Variants in HORMAD1 observed in about 807,000 individuals in gnomAD.
The protein encoded by HORMAD1 is HORMA domain containing 1, also known as HORMA domain-containing protein 1.
A neutral mutation model predicts 58.2 loss-of-function variants in HORMAD1; 33 were observed. The observed-to-expected ratio is 0.57, with a 90% CI of 0.43 to 0.76. The LOEUF is 0.76. Among genes scored for constraint, HORMAD1 ranks in the 30% least tolerant of loss-of-function variants. HORMAD1 has a pLI of 0.00. For synonymous variants in HORMAD1, 137 were observed against 144.6 expected (o/e 0.95, Z 0.38); for missense variants, 363 against 462.0 (o/e 0.79, Z 1.96).
At chr1:150,702,239 G>A (rs1306007545) in intron 13 of HORMAD1, among the ~76,000 whole-genome samples, 1 of 152,152 alleles carries the variant, frequency 6.6e-6, no homozygotes, top group Non-Finnish European at 1.5e-5. Flanking sequence ...TCTCATGCCA[G>A]TCAGAATGGT....
intron 3 of HORMAD1, 138 bp downstream of exon 3, chr1:150,717,000 G>C (rs1461367886): frequency 2.4e-6 from 1 of 424,830 alleles, no homozygotes; most frequent in Non-Finnish European, 4.1e-6. Flanking sequence ...CTTTAAACAA[G>C]TGAACTGTCA....
chr1:150,703,465 T>C (rs1268595917), intron 12 of HORMAD1, 72 bp from the exon 13 acceptor site: 3 of 806,864 alleles, frequency 3.7e-6, no homozygotes, highest in Non-Finnish European at 5.8e-6. Context: ...ATAAATGGGG[T>C]CCAAAAATTT....
In HORMAD1 at chr1:150,704,100, A is replaced by C; in HGVS notation, c.948+18T>G. ...CTGTGAACAAAACAAAAGTGAGATG[A>C]AACTATCAAGTTTATACCTGAGAAT... On this transcript the variant is annotated intron_variant, in intron 12 of 14. Coordinates refer to ENST00000361824, the MANE Select transcript of HORMAD1 (RefSeq NM_032132.5). The C allele has an allele frequency of 6.5e-7, 1 of 1,526,812 alleles. No individual in the cohort carries two copies. The highest frequency in any genetic ancestry group is 2.3e-5 in the East Asian group (1 of 44,134). 94.6% of individuals were successfully genotyped at this position (1,526,812 alleles called of 1,614,324 possible).
rs770896664 is a variant in HORMAD1, at chr1:150,704,316, C to T, written c.832G>A (p.Glu278Lys). The change falls in exon 11 of 15, where the codon GAA becomes AAA. Residue 278 changes from glutamate to lysine, a missense_variant. Glu to Lys is a moderately conservative substitution (Grantham distance 56). Around this residue, in one of 3 missense-constraint regions of HORMAD1, gnomAD observed 226 missense variants for 257.8 expected, o/e 0.88. Transcript: ENST00000361824. The stretch of plus-strand genomic sequence containing the variant: ...GATGCAGGGTTTTTTTCCTGTTCTT[C>T]CATTTTAGTTTCAATGTCCAAATCA... Reference protein sequence around the residue: ...SDDLDIETKMEEQEKNPASSE... With the variant: ...SDDLDIETKMKEQEKNPASSE... The T allele has an allele frequency of 2.5e-6, 4 of 1,585,700 alleles. No individual in the cohort carries two copies. Among genetic ancestry groups the T allele is most frequent in the Admixed American group, 1.9e-5 (1 of 53,506 alleles).
At chr1:150,708,766 T>C (rs1651773012) in intron 8 of HORMAD1, 128 bp downstream of exon 8, 1 of 579,590 alleles carries the variant, frequency 1.7e-6, no homozygotes, top group African/African-American at 1.9e-5. Context: ...CCATTTTGCA[T>C]AGCCACATCT....
Position 150,698,660 on chromosome 1 carries a change from A to C in HORMAD1, c.1179T>G (p.His393Gln), listed in dbSNP as rs374185460. The C allele has an allele frequency of 1.3e-6, 2 of 1,548,796 alleles. No homozygotes were observed. The highest frequency in any genetic ancestry group is 1.8e-6 in the Non-Finnish European group (2 of 1,122,800). ...KRRKFSEPKE[H>Q]I ...TGCAGAACAAAAATAATTTTTATAT[A>C]TGTTCCTTTGGTTCACTAAACTTTC... is the stretch of plus-strand genomic sequence containing the variant. Residue 393 changes from histidine (H) to glutamine (Q), a missense_variant, in exon 15 of 15, where the codon CAT (histidine) becomes CAG (glutamine). Around this residue, in one of 3 missense-constraint regions of HORMAD1, gnomAD observed 226 missense variants for 257.8 expected, o/e 0.88. Transcript: ENST00000361824.
chr1:150,714,128 A>C lies in HORMAD1; in HGVS notation c.243-7T>G. 6.6e-7 allele frequency: 1 copy of C among 1,505,598 alleles called. No individual in the cohort carries two copies. Among genetic ancestry groups the C allele is most frequent in the Non-Finnish European group, 9.1e-7 (1 of 1,099,192 alleles). 93.3% of individuals were successfully genotyped at this position (1,505,598 alleles called of 1,614,324 possible). The stretch of plus-strand genomic sequence containing the variant: ...ATCATAACATCCTAGCATCCTAAAA[A>C]AAAAATCAAGGATTCATTTTTAGAC... On this transcript the variant is annotated splice_region_variant and splice_polypyrimidine_tract_variant and intron_variant, in intron 4 of 14. Transcript: ENST00000361824.
At chr1:150,708,867 T>C (rs757339495) in intron 8 of HORMAD1, 27 bp downstream of exon 8, 3 of 1,197,072 alleles carry the variant, frequency 2.5e-6, no homozygotes, top group African/African-American at 3.0e-5. Context: ...TAATCTGTAA[T>C]ACAAACAGAA....
Position 150,720,647 on chromosome 1 carries a change from C to T in HORMAD1, c.-34+157G>A, listed in dbSNP as rs188899689. Among the ~76,000 whole-genome samples the T allele has an allele frequency of 1.1e-3, 163 of 152,340 alleles. 2 individuals are homozygous for T. In the South Asian group the frequency reaches 0.023, roughly 22 times the overall value. On this transcript the variant is annotated intron_variant, in intron 1 of 14. Coordinates refer to ENST00000361824, the MANE Select transcript of HORMAD1 (RefSeq NM_032132.5). Reference sequence around the variant, plus strand: ...TCCGTACTCACCCCATCTCAAGAACCTCTGTTGACAAGTAAGTGGGTATAC... The same window carrying T: ...TCCGTACTCACCCCATCTCAAGAACTTCTGTTGACAAGTAAGTGGGTATAC...
At chr1:150,707,939 CAAAA>C (rs1294812916) in intron 9 of HORMAD1, among the ~76,000 whole-genome samples, 1 of 151,418 alleles carries the variant, frequency 6.6e-6, no homozygotes, top group Non-Finnish European at 1.5e-5. Flanking sequence ...CTGTCTCAAA[CAAAA>C]AAAAGTTCCT....
At position 150,698,917 on chromosome 1, in the gene HORMAD1, G is replaced by A. The variant is rs190308214; in HGVS notation, c.1105-183C>T. On this transcript the variant is annotated intron_variant, in intron 14 of 14. Coordinates refer to ENST00000361824, the MANE Select transcript of HORMAD1 (RefSeq NM_032132.5). ...AAATTTATTATTAACATCTTCCAAT[G>A]GCTGCTGAAAGTATGTACTTGCAAA... 665 of 451,652 alleles carry A rather than the reference G, an allele frequency of 1.5e-3. 15 individuals carry two copies. In the South Asian group the frequency reaches 0.023, roughly 16 times the overall value. 28.0% of individuals were successfully genotyped at this position (451,652 alleles called of 1,614,324 possible). A position where few individuals can be genotyped will look rare whatever the true frequency, so the allele number is the denominator to read the frequency against.
At position 150,719,490 on chromosome 1, in the gene HORMAD1, A is replaced by C. The variant is rs1339590264; in HGVS notation, c.16T>G (p.Leu6Val). 1 of 1,586,966 alleles carries C rather than the reference A, an allele frequency of 6.3e-7. No homozygotes were observed. Among genetic ancestry groups the C allele is most frequent in the South Asian group, 1.1e-5 (1 of 87,068 alleles). The change falls in exon 2 of 15, where the codon TTG becomes GTG. Residue 6 changes from leucine to valine, a missense_variant. By Grantham distance (32) the Leu-to-Val change is conservative. Coordinates refer to ENST00000361824, the MANE Select transcript of HORMAD1 (RefSeq NM_032132.5). The stretch of plus-strand genomic sequence containing the variant: ...AATCATACCATGGGAGTCCTCTGCA[A>C]CTGGGCAGTGGCCATCTTCTTCTGA... Reference protein sequence around the residue: MATAQLQRTPMSALVF... With the variant: MATAQVQRTPMSALVF...
chr1:150,703,366 C>T lies in HORMAD1; in HGVS notation c.976G>A (p.Glu326Lys), dbSNP rs760191981. The T allele has an allele frequency of 1.3e-6, 2 of 1,578,140 alleles. No individual in the cohort carries two copies. Among genetic ancestry groups the T allele is most frequent in the South Asian group, 2.3e-5 (2 of 86,994 alleles). ...GTTTTGCTTTCAGACATATCAAGTT[C>T]AGATGTTTTATTGACTAACTGCTCA... is the stretch of plus-strand genomic sequence containing the variant. ...QVEQLVNKTSELDMSESKTRS... is the reference protein window; with the variant it reads ...QVEQLVNKTSKLDMSESKTRS... Residue 326 changes from glutamate to lysine, a missense_variant, in exon 13 of 15, where the codon GAA becomes AAA. Physicochemically the swap from Glu to Lys is moderately conservative, Grantham distance 56 (BLOSUM62 1). Transcript: ENST00000361824.
At chr1:150,699,384 T>C (rs1192974464) in intron 14 of HORMAD1, among the ~76,000 whole-genome samples, 1 of 152,088 alleles carries the variant, frequency 6.6e-6, no homozygotes, top group Non-Finnish European at 1.5e-5. Flanking sequence ...TAGTAAATTA[T>C]CCTCCTTCTA....
At chr1:150,714,035 G>T in intron 5 of HORMAD1, 50 bp downstream of exon 5, 1 of 1,132,784 alleles carries the variant, frequency 8.8e-7, no homozygotes, top group Non-Finnish European at 1.3e-6. Context: ...AGTTATATTT[G>T]TAGATCATAA....
intron 13 of HORMAD1, among the ~76,000 whole-genome samples, chr1:150,703,109 T>C (rs1651584485): frequency 6.6e-6 from 1 of 152,202 alleles, no homozygotes; most frequent in African/African-American, 2.4e-5. Context: ...TATCATTGCT[T>C]GTTTATTTCC....
At chr1:150,713,127 C>A (rs1022513911) in intron 5 of HORMAD1, among the ~76,000 whole-genome samples, 1 of 152,188 alleles carries the variant, frequency 6.6e-6, no homozygotes, top group Non-Finnish European at 1.5e-5. Flanking sequence ...TCATTCAGGT[C>A]TCTTCAATGT....
chr1:150,706,742 C>A lies in HORMAD1; in HGVS notation c.615G>T (p.Gly205=), dbSNP rs1456004957. Residue 205 remains glycine, a synonymous_variant, in exon 10 of 15, where the codon GGG becomes GGT. Transcript: ENST00000361824. ...CTCCCACATTTAAATACATAGGTTC[C>A]CCTTCAAATATAACTCCTTCACAAT... ...DGDCEGVIFE[G]EPMYLNVGEV... 6.2e-7 allele frequency: 1 copy of A among 1,612,910 alleles called. No homozygotes were observed. The highest frequency in any genetic ancestry group is 2.2e-5 in the East Asian group (1 of 44,846).
chr1:150,709,180 T>A (rs1281151534), intron 7 of HORMAD1, among the ~76,000 whole-genome samples: 2 of 152,220 alleles, frequency 1.3e-5, no homozygotes, highest in South Asian at 4.1e-4. Flanking sequence ...CTCATTGTAA[T>A]GTATGTTATT....
Sources: allele counts gnomAD v4.1 joint callset (sites outside exome capture counted in the v4.1 genomes callset), GRCh38; gene constraint gnomAD v4.1.1; regional missense constraint gnomAD v4.1.1; transcripts MANE v1.5; gene names NCBI Gene and HGNC (gene_info 2026-07-23, HGNC 2026-07-21).